KHDRBS2: variants seen among roughly 807,000 people sequenced by gnomAD.
KHDRBS2 encodes KH domain-containing, RNA-binding, signal transduction-associated protein 2.
KHDRBS2 carries 26 observed loss-of-function variants against 44.3 expected under a neutral mutation model. The observed-to-expected ratio is 0.59, with a 90% confidence interval of 0.43 to 0.81. The LOEUF is 0.81. Among genes scored for constraint, KHDRBS2 ranks in the 40% least tolerant of loss-of-function variants. The pLI, the probability that KHDRBS2 is intolerant of heterozygous loss-of-function variation, is 0.00. For missense variants in KHDRBS2, 476 were observed against 433.1 expected, an observed-to-expected ratio of 1.10 and a Z score of -0.88; for synonymous variants, 194 against 151.1, an observed-to-expected ratio of 1.28 and a Z score of -2.08.
At chr6:62,138,804 G>T (rs1045490549) in intron 2 of KHDRBS2, among the ~76,000 whole-genome samples, 8 of 152,278 alleles carry the variant, frequency 5.3e-5, no homozygotes, top group Admixed American at 4.6e-4. Flanking sequence ...AAAACTATAT[G>T]TGTTGCTATT....
chr6:61,878,104 T>A (rs1436740097), intron 6 of KHDRBS2, among the ~76,000 whole-genome samples: 2 of 151,934 alleles, frequency 1.3e-5, no homozygotes, highest in East Asian at 3.9e-4. Flanking sequence ...TTCCCATAGT[T>A]CCCTCTTTTC....
In KHDRBS2 at chr6:61,735,695, T is replaced by G. The variant is rs182181448; in HGVS notation, c.811-2931A>C. 3.3e-5 allele frequency among the ~76,000 whole-genome samples: 5 copies of G among 152,254 alleles called. No individual in the cohort carries two copies. In the East Asian group the frequency reaches 9.6e-4, roughly 29 times the overall value. On this transcript the variant is annotated intron_variant, in intron 6 of 8. Coordinates refer to ENST00000281156, the MANE Select transcript of KHDRBS2 (RefSeq NM_152688.4). ...ATTATTCTCATAATTACATTCAGAT[T>G]TAATATTTTTGAAAGAATGTTACAT...
intron 7 of KHDRBS2, among the ~76,000 whole-genome samples, chr6:61,708,315 T>G (rs1769924590): frequency 6.6e-6 from 1 of 151,650 alleles, no homozygotes; most frequent in South Asian, 2.1e-4. Flanking sequence ...TCTCAACAAT[T>G]TTTACTCAAA....
In KHDRBS2 at chr6:61,943,324, C is replaced by G. The variant is rs188559201; in HGVS notation, c.483+34742G>C. 1.1e-3 allele frequency among the ~76,000 whole-genome samples: 173 copies of G among 151,374 alleles called. 1 individual carries two copies. The highest frequency in any genetic ancestry group is 3.9e-3 in the African/African-American group (162 of 41,276). On this transcript the variant is annotated intron_variant, in intron 4 of 8. Transcript: ENST00000281156. ...GGAAGCATATGAAAGTACGGTAAAG[C>G]AAACAGACAAATACCAAAGAGAATG...
At chr6:61,619,748 C>T in the KHDRBS2 span, among the ~76,000 whole-genome samples, 3 of 152,256 alleles carry the variant, frequency 2.0e-5, no homozygotes, top group South Asian at 6.2e-4. Flanking sequence ...GTCACTGCGT[C>T]TGGCCTATTT....
intron 4 of KHDRBS2, among the ~76,000 whole-genome samples, chr6:61,920,423 C>T (rs896769749): frequency 5.3e-4 from 80 of 151,842 alleles, no homozygotes; most frequent in African/African-American, 1.8e-3. Context: ...CTTATGCTCC[C>T]CAGGGGGATT....
At chr6:61,958,207 A>G (rs922978468) in intron 4 of KHDRBS2, among the ~76,000 whole-genome samples, 1 of 151,970 alleles carries the variant, frequency 6.6e-6, no homozygotes, top group Non-Finnish European at 1.5e-5. Context: ...TTCTATTCTT[A>G]ATTTCTTTGT....
At chr6:62,053,906 T>C (rs1225074195) in intron 2 of KHDRBS2, among the ~76,000 whole-genome samples, 11 of 152,040 alleles carry the variant, frequency 7.2e-5, no homozygotes, top group South Asian at 4.1e-4. Flanking sequence ...TATTTTTGTA[T>C]GCCAGCAGCA....
At chr6:61,813,719 G>T (rs1788475631) in intron 6 of KHDRBS2, among the ~76,000 whole-genome samples, 1 of 152,092 alleles carries the variant, frequency 6.6e-6, no homozygotes, top group South Asian at 2.1e-4. Context: ...TAGCAGAACT[G>T]CTTTTACTTT....
At chr6:62,186,446 G>A (rs1823431263) in intron 1 of KHDRBS2, among the ~76,000 whole-genome samples, 1 of 151,982 alleles carries the variant, frequency 6.6e-6, no homozygotes, top group East Asian at 1.9e-4. Flanking sequence ...GACAGTCAAT[G>A]TCATGTATTT....
At chr6:62,039,312 T>A (rs1553396) in intron 3 of KHDRBS2, among the ~76,000 whole-genome samples, 93,202 of 150,820 alleles carry the variant, frequency 0.62, 29,008 homozygotes, top group African/African-American at 0.63. Flanking sequence ...AGAAATTATC[T>A]GTCTGCATTG....
chr6:61,945,414 A>C (rs1021093370), intron 4 of KHDRBS2, among the ~76,000 whole-genome samples: 2 of 151,706 alleles, frequency 1.3e-5, no homozygotes, highest in African/African-American at 4.8e-5. Context: ...AGAATTTATT[A>C]CCACTTCTCC....
intron 6 of KHDRBS2, among the ~76,000 whole-genome samples, chr6:61,824,092 G>T (rs996830685): frequency 1.3e-5 from 2 of 152,102 alleles, no homozygotes; most frequent in African/African-American, 4.8e-5. Flanking sequence ...TATTGTCAGA[G>T]CACTAAGCAG....
chr6:61,793,526 G>C (rs912043989), intron 6 of KHDRBS2, among the ~76,000 whole-genome samples: 1 of 151,890 alleles, frequency 6.6e-6, no homozygotes, highest in African/African-American at 2.4e-5. Flanking sequence ...ATCAGGATAA[G>C]GAGAAGTGAA....
intron 2 of KHDRBS2, among the ~76,000 whole-genome samples, chr6:62,071,231 T>C (rs941464230): frequency 5.3e-5 from 8 of 152,344 alleles, no homozygotes; most frequent in African/African-American, 1.9e-4. Context: ...TTGTAGATTC[T>C]GGATATTAGC....
the KHDRBS2 span, among the ~76,000 whole-genome samples, chr6:61,620,863 C>T: frequency 6.6e-6 from 1 of 152,214 alleles, no homozygotes; most frequent in Admixed American, 6.5e-5. Flanking sequence ...TTATTTAAAG[C>T]TCCTGCTACC....
chr6:61,607,296 TATA>T, the KHDRBS2 span, among the ~76,000 whole-genome samples: 11 of 151,322 alleles, frequency 7.3e-5, no homozygotes, highest in Non-Finnish European at 1.5e-4. Context: ...TTAAAAATAA[TATA>T]ATACATAACA....
rs548927569 is a variant in KHDRBS2 at position 62,061,269 on chromosome 6, C to T, written c.220-13275G>A. Among the ~76,000 whole-genome samples, 1,324 of 151,598 alleles carry T rather than the reference C, an allele frequency of 8.7e-3. 19 individuals carry two copies. Among genetic ancestry groups the T allele is most frequent in the African/African-American group, 0.03 (1,236 of 41,392 alleles). On this transcript the variant is annotated intron_variant, in intron 2 of 8. Transcript: ENST00000281156. ...AGTTGATGCAGTTTCTTCCTAGTCT[C>T]GATGGTCTTTACATTTCGGCATGAT... is the stretch of plus-strand genomic sequence containing the variant.
the KHDRBS2 span, among the ~76,000 whole-genome samples, chr6:61,661,110 A>G: frequency 2.1e-3 from 316 of 151,964 alleles, no homozygotes; most frequent in Admixed American, 3.4e-3. Flanking sequence ...TAAAACTAAA[A>G]GAGTTTCTCA....
Sources: gnomAD v4.1 joint callset for allele counts (sites outside exome capture counted in the v4.1 genomes callset) on GRCh38, gnomAD v4.1.1 for gene constraint, MANE v1.5 for transcripts, NCBI Gene and HGNC (gene_info 2026-07-23, HGNC 2026-07-21) for gene names.